The following PKD1L3 variants were observed in gnomAD, a reference collection of about 807,000 sequenced individuals.
The protein encoded by PKD1L3 is polycystin-1-like protein 3.
A neutral mutation model predicts 184.1 loss-of-function variants in PKD1L3; 239 were observed. The observed-to-expected ratio is 1.30, with a 90% confidence interval of 1.17 to 1.45. The LOEUF is 1.45. Among genes scored for constraint, PKD1L3 ranks in the 40% most tolerant of loss-of-function variants. The pLI is 0.00. For synonymous variants in PKD1L3, 996 were observed against 778.8 expected (o/e 1.28, Z -4.64); for missense variants, 2,660 against 2,067.2 (o/e 1.29, Z -5.56).
intron 15 of PKD1L3, among the ~76,000 whole-genome samples, chr16:71,964,356 T>G (rs971484134): frequency 2.2e-5 from 2 of 91,100 alleles, no homozygotes; most frequent in Non-Finnish European, 4.2e-5. Flanking sequence ...TTTTTTTTTT[T>G]GAGACAGAGT....
chr16:71,970,385 A>T (rs1228676282), intron 12 of PKD1L3, among the ~76,000 whole-genome samples: 1 of 152,210 alleles, frequency 6.6e-6, no homozygotes, highest in Non-Finnish European at 1.5e-5. Flanking sequence ...ATGAAAAGGA[A>T]TGTTTTGTCA....
rs1195912637 is a variant in PKD1L3 at position 71,978,347 on chromosome 16, C to T, written c.1435G>A (p.Asp479Asn). 6.4e-7 allele frequency: 1 copy of T among 1,550,486 alleles called. No individual in the cohort carries two copies. The highest frequency in any genetic ancestry group is 8.7e-7 in the Non-Finnish European group (1 of 1,146,344). Residue 479 changes from aspartate to asparagine, a missense_variant, in exon 10 of 30, where the codon GAC (aspartate) becomes AAC (asparagine). Transcript: ENST00000620267. ...GLAFNPFKDL[D>N]NRNIVGSIGS... ...ATGCTTCCAACAATGTTTCTGTTGT[C>T]CAAATCCTTGAAGGGATTGAAAGCT...
intron 16 of PKD1L3, among the ~76,000 whole-genome samples, chr16:71,960,326 C>A (rs1285809904): frequency 6.6e-6 from 1 of 152,084 alleles, no homozygotes; most frequent in Non-Finnish European, 1.5e-5. Context: ...ATATTAAACT[C>A]ATGTATTAAA....
Position 71,952,774 on chromosome 16 carries a change from G to A in PKD1L3, c.3009+120C>T, listed in dbSNP as rs2038891728. The A allele has an allele frequency of 1.2e-5, 13 of 1,069,240 alleles. No homozygotes were observed. The Admixed American group carries it at 2.1e-4, about 17-fold the overall frequency. 66.2% of individuals were successfully genotyped at this position (1,069,240 alleles called of 1,614,324 possible). Reference sequence around the variant, plus strand: ...CCACTTGAGCCGGGAGTTTGAGGCTGCCACAGTGAGCCGAGGTTGCACCAC... The same window carrying A: ...CCACTTGAGCCGGGAGTTTGAGGCTACCACAGTGAGCCGAGGTTGCACCAC... On this transcript the variant is annotated intron_variant, in intron 18 of 29. Coordinates refer to ENST00000620267, the MANE Select transcript of PKD1L3 (RefSeq NM_181536.2).
At chr16:71,994,692 G>C (rs1457017674) in intron 2 of PKD1L3, among the ~76,000 whole-genome samples, 2 of 152,034 alleles carry the variant, frequency 1.3e-5, no homozygotes, top group Non-Finnish European at 2.9e-5. Context: ...CCTACATTTA[G>C]GGATTGCTTT....
intron 7 of PKD1L3, 87 bp from the exon 8 acceptor site, chr16:71,980,221 G>C: frequency 6.9e-7 from 1 of 1,447,982 alleles, no homozygotes; most frequent in Non-Finnish European, 9.3e-7. Context: ...ATTGGAAGGG[G>C]AATTTTCACA....
At chr16:71,984,752 G>A (rs1053494849) in intron 5 of PKD1L3, among the ~76,000 whole-genome samples, 2 of 152,146 alleles carry the variant, frequency 1.3e-5, no homozygotes, top group African/African-American at 4.8e-5. Context: ...CCAGCTACTC[G>A]GGAGGCTGAG....
At chr16:71,955,051 G>T (rs1222316298) in intron 16 of PKD1L3, among the ~76,000 whole-genome samples, 1 of 152,134 alleles carries the variant, frequency 6.6e-6, no homozygotes, top group Non-Finnish European at 1.5e-5. Context: ...AGAAAAAAAG[G>T]ACAGCTTCAT....
At chr16:71,945,299 TATATATAC>T (rs1324559084) in intron 22 of PKD1L3, among the ~76,000 whole-genome samples, 399 of 65,826 alleles carry the variant, frequency 6.1e-3, no homozygotes, top group Non-Finnish European at 8.6e-3. Context: ...TATATATATA[TATATATAC>T]ACACACACAC....
intron 4 of PKD1L3, among the ~76,000 whole-genome samples, chr16:71,988,432 T>C (rs1370691358): frequency 6.6e-6 from 1 of 152,188 alleles, no homozygotes; most frequent in African/African-American, 2.4e-5. Context: ...TGGCCTCAAG[T>C]GATCCACCCA....
intron 12 of PKD1L3, among the ~76,000 whole-genome samples, chr16:71,971,132 C>T (rs1317774700): frequency 6.6e-6 from 1 of 152,060 alleles, no homozygotes; most frequent in Non-Finnish European, 1.5e-5. Context: ...CCAGTAGTTA[C>T]CCTTTGGTGG....
chr16:71,932,393 T>C (rs912106962), intron 28 of PKD1L3, among the ~76,000 whole-genome samples: 1 of 152,250 alleles, frequency 6.6e-6, no homozygotes, highest in African/African-American at 2.4e-5. Flanking sequence ...TAATAGGCTC[T>C]CTGAAGTGAG....
intron 13 of PKD1L3, 91 bp downstream of exon 13, chr16:71,969,784 C>A: frequency 1.5e-5 from 18 of 1,174,312 alleles, no homozygotes; most frequent in South Asian, 3.2e-5. Context: ...TACCAGGCTT[C>A]CTGCTGCTTT....
Position 71,937,321 on chromosome 16 carries a change from G to A in PKD1L3, c.4423C>T (p.Leu1475=), listed in dbSNP as rs376148526. 2.4e-5 allele frequency: 37 copies of A among 1,551,434 alleles called. No homozygotes were observed. Among genetic ancestry groups the A allele is most frequent in the Admixed American group, 1.4e-4 (7 of 50,982 alleles). Residue 1475 remains leucine, a synonymous_variant, in exon 25 of 30, where the codon CTA becomes TTA. Transcript: ENST00000620267. ...WSIISQVIYY[L]LVCYYAFIQG... ...ATGAAGGCATAGTAACAGACCAGTA[G>A]ATAATAGATGACTTGTGAGATGATA...
In PKD1L3 at chr16:71,950,143, G is replaced by A. The variant is rs879920371; in HGVS notation, c.3358C>T (p.Leu1120Phe). ...KLQELLETHI[L>F]PTEQEPSREV... Reference sequence around the variant, plus strand: ...CTGGATGGCTCTTGCTCCGTGGGAAGAATATGTGTTTCCAAGAGTTCCTGG... The same window carrying A: ...CTGGATGGCTCTTGCTCCGTGGGAAAAATATGTGTTTCCAAGAGTTCCTGG... Residue 1120 changes from leucine (L) to phenylalanine (F), a missense_variant, in exon 20 of 30, where the codon CTT (leucine) becomes TTT (phenylalanine). Transcript: ENST00000620267. 6.4e-7 allele frequency: 1 copy of A among 1,552,160 alleles called. No homozygotes were observed. The highest frequency in any genetic ancestry group is 2.4e-5 in the East Asian group (1 of 40,926).
Position 71,978,325 on chromosome 16 carries a change from C to T in PKD1L3, c.1457G>A (p.Ser486Asn), listed in dbSNP as rs1236590951. The T allele has an allele frequency of 4.5e-6, 7 of 1,550,714 alleles. No homozygotes were observed. The Admixed American group carries it at 1.4e-4, about 30-fold the overall frequency. ...AGCGCTTAGTAACACACTTCCAATG[C>T]TTCCAACAATGTTTCTGTTGTCCAA... ...KDLDNRNIVGSIGSVLLSANR... is the reference protein window; with the variant it reads ...KDLDNRNIVGNIGSVLLSANR... Residue 486 changes from serine to asparagine, a missense_variant, in exon 10 of 30, where the codon AGC becomes AAC. Transcript: ENST00000620267.
At chr16:71,998,517 C>T in intron 1 of PKD1L3, 123 bp from the exon 2 acceptor site, 1 of 1,261,676 alleles carries the variant, frequency 7.9e-7, no homozygotes, top group Non-Finnish European at 1.0e-6. Flanking sequence ...GTGGTGTGAT[C>T]TTCACTCACT....
At chr16:71,995,456 C>T (rs2040752206) in intron 2 of PKD1L3, among the ~76,000 whole-genome samples, 1 of 152,192 alleles carries the variant, frequency 6.6e-6, no homozygotes, top group Non-Finnish European at 1.5e-5. Context: ...CTCTCTCCCT[C>T]ATAGGTAACC....
At chr16:71,997,363 G>A (rs962305654) in intron 2 of PKD1L3, among the ~76,000 whole-genome samples, 1 of 151,318 alleles carries the variant, frequency 6.6e-6, no homozygotes, top group African/African-American at 2.4e-5. Flanking sequence ...GAGGTGGGAG[G>A]ATTGCTTGAG....
Sources: allele counts gnomAD v4.1 joint callset (sites outside exome capture counted in the v4.1 genomes callset), GRCh38; gene constraint gnomAD v4.1.1; transcripts MANE v1.5; gene names NCBI Gene and HGNC (gene_info 2026-07-23, HGNC 2026-07-21).